The following PSMD12 variants were observed in gnomAD, a reference collection of about 807,000 sequenced individuals.
The protein encoded by PSMD12 is 26S proteasome non-ATPase regulatory subunit 12.
In PSMD12, 8 loss-of-function variants were observed where a neutral mutation model predicts 62.9. The observed-to-expected ratio is 0.13, with a 90% CI of 0.07 to 0.23. The LOEUF is 0.23. Ranked by LOEUF, PSMD12 falls within the 10% of genes least tolerant of loss-of-function variation. The pLI is 1.00. For synonymous variants in PSMD12, 173 were observed against 187.4 expected (o/e 0.92, Z 0.63); for missense variants, 424 against 550.2 (o/e 0.77, Z 2.29).
intron 1 of PSMD12, among the ~76,000 whole-genome samples, chr17:67,364,224 C>T (rs1016082230): frequency 6.8e-6 from 1 of 148,054 alleles, no homozygotes; most frequent in Non-Finnish European, 1.5e-5. Flanking sequence ...TCAGCTGGCA[C>T]ACTGGCTTAA....
chr17:67,340,982 C>A lies in PSMD12; in HGVS notation c.1232G>T (p.Gly411Val). The part of the protein sequence containing the change: ...TIFAKVDRLA[G>V]IINFQRPKDP... ...CTTGGGTCTCTGGAAGTTGATAATT[C>A]CTGCTAATCTGTCTACTTTAGCAAA... The change falls in exon 11 of 11, where the codon GGA becomes GTA. Residue 411 changes from glycine to valine, a missense_variant. By Grantham distance (109) the Gly-to-Val change is moderately radical (BLOSUM62 -3). Transcript: ENST00000356126. The A allele has an allele frequency of 6.4e-7, 1 of 1,569,862 alleles. No homozygotes were observed.
intron 10 of PSMD12, among the ~76,000 whole-genome samples, chr17:67,341,633 C>T (rs2041916390): frequency 6.6e-6 from 1 of 152,110 alleles, no homozygotes; most frequent in East Asian, 1.9e-4. Flanking sequence ...GTATCCATGC[C>T]AACGGCAAGT....
chr17:67,346,641 G>C (rs963546568), intron 7 of PSMD12, among the ~76,000 whole-genome samples: 4 of 152,110 alleles, frequency 2.6e-5, no homozygotes, highest in Non-Finnish European at 5.9e-5. Flanking sequence ...CCTTTTCATA[G>C]TGTCTTTCTA....
Position 67,339,792 on chromosome 17 carries a change from C to T in PSMD12, c.*1051G>A, listed in dbSNP as rs2041894119. ...ATTAAACTTGCAAAATTCGTTCACA[C>T]CAATTCATCTCAGGTGTTTCTTTGA... On this transcript the variant is annotated 3_prime_UTR_variant, in exon 11 of 11. Transcript: ENST00000356126. 1 of 152,006 alleles carries T rather than the reference C, an allele frequency of 6.6e-6. No individual in the cohort carries two copies. The highest frequency in any genetic ancestry group is 1.5e-5 in the Non-Finnish European group (1 of 67,992). 9.4% of individuals were successfully genotyped at this position (152,006 alleles called of 1,614,324 possible). A position where few individuals can be genotyped will look rare whatever the true frequency, so the allele number is the denominator to read the frequency against.
chr17:67,351,500 T>C (rs1233855895), intron 3 of PSMD12, among the ~76,000 whole-genome samples: 2 of 151,404 alleles, frequency 1.3e-5, no homozygotes, highest in Non-Finnish European at 2.9e-5. Context: ...AGCAGAAAAG[T>C]GAATAGAATA....
intron 7 of PSMD12, among the ~76,000 whole-genome samples, 175 bp downstream of exon 7, chr17:67,346,941 T>A (rs2041972618): frequency 6.6e-6 from 1 of 152,188 alleles, no homozygotes; most frequent in African/African-American, 2.4e-5. Flanking sequence ...AAGTGAGACA[T>A]AATCTAAACT....
chr17:67,363,418 C>A (rs1466338570), intron 1 of PSMD12, among the ~76,000 whole-genome samples: 1 of 152,100 alleles, frequency 6.6e-6, no homozygotes, highest in Admixed American at 6.6e-5. Context: ...GTGCTATATA[C>A]ACAATTTTCA....
At chr17:67,351,317 G>A (rs746722209) in intron 3 of PSMD12, among the ~76,000 whole-genome samples, 7 of 151,618 alleles carry the variant, frequency 4.6e-5, no homozygotes, top group African/African-American at 7.3e-5. Flanking sequence ...GTGTGAACCC[G>A]GGAGGCGGAG....
chr17:67,359,911 C>A (rs1443226767), intron 1 of PSMD12, among the ~76,000 whole-genome samples: 1 of 152,162 alleles, frequency 6.6e-6, no homozygotes, highest in Non-Finnish European at 1.5e-5. Flanking sequence ...AATCTTAGAA[C>A]TAGAAAGACG....
intron 3 of PSMD12, among the ~76,000 whole-genome samples, chr17:67,356,914 G>A (rs1254935974): frequency 1.3e-5 from 2 of 152,086 alleles, no homozygotes; most frequent in Non-Finnish European, 1.5e-5. Context: ...GGGGGCTGAG[G>A]TGGGAAGACT....
In PSMD12 at chr17:67,347,198, C is replaced by T; in HGVS notation, c.713G>A (p.Gly238Glu). ...GTGCTTACAAATAGACAAATAGGAT[C>T]CCTCATGTTGATCCAGCTGAATCAT... ...NLMIQLDQHE[G>E]SYLSICKHYR... is the part of the protein sequence containing the mutation. Residue 238 changes from glycine to glutamate, a missense_variant, in exon 7 of 11, where the codon GGA becomes GAA. Gly to Glu is a moderately conservative substitution (Grantham distance 98). Coordinates refer to ENST00000356126, the MANE Select transcript of PSMD12 (RefSeq NM_002816.5). The T allele has an allele frequency of 6.2e-7, 1 of 1,613,590 alleles. No individual in the cohort carries two copies. Among genetic ancestry groups the T allele is most frequent in the Non-Finnish European group, 8.5e-7 (1 of 1,179,670 alleles).
intron 3 of PSMD12, among the ~76,000 whole-genome samples, chr17:67,356,626 A>G (rs1303267221): frequency 6.6e-6 from 1 of 150,624 alleles, no homozygotes; most frequent in Non-Finnish European, 1.5e-5. Context: ...AAAAATTTTG[A>G]AACAGCATAA....
chr17:67,355,091 T>G (rs2042055437), intron 3 of PSMD12, among the ~76,000 whole-genome samples: 2 of 92,422 alleles, frequency 2.2e-5, no homozygotes, highest in South Asian at 6.4e-4. Context: ...TATTTTTGGT[T>G]TTTTTTTTTT....
At chr17:67,355,707 T>C (rs2042062278) in intron 3 of PSMD12, among the ~76,000 whole-genome samples, 1 of 152,052 alleles carries the variant, frequency 6.6e-6, no homozygotes, top group Admixed American at 6.6e-5. Context: ...CAGGGGAACA[T>C]TTAAATATAT....
chr17:67,348,852 T>C (rs1200016690), intron 4 of PSMD12, among the ~76,000 whole-genome samples, 198 bp from the exon 5 acceptor site: 1 of 151,966 alleles, frequency 6.6e-6, no homozygotes, highest in Non-Finnish European at 1.5e-5. Context: ...AAACATTAGC[T>C]GAGTGTGGTG....
intron 5 of PSMD12, among the ~76,000 whole-genome samples, chr17:67,348,157 G>A (rs1243944195): frequency 6.6e-6 from 1 of 152,132 alleles, no homozygotes; most frequent in East Asian, 1.9e-4. Flanking sequence ...GGGATTGCTG[G>A]GTCATATGGT....
At position 67,364,956 on chromosome 17, in the gene PSMD12, GGTGGAT is replaced by G. The variant is rs529482009; in HGVS notation, c.108+1450_108+1455del. Among the ~76,000 whole-genome samples the G allele has an allele frequency of 9.2e-5, 14 of 152,206 alleles. No individual in the cohort carries two copies. In the East Asian group the frequency reaches 2.5e-3, roughly 27 times the overall value. On this transcript the variant is annotated intron_variant, in intron 1 of 10. Coordinates refer to ENST00000356126, the MANE Select transcript of PSMD12 (RefSeq NM_002816.5). The stretch of plus-strand genomic sequence containing the variant: ...CCCAGCACTTTGGCAGGCAGAGGTG[GGTGGAT>G]CACTTTAGGTCAGGAGGTCGCGTGC...
Position 67,340,892 on chromosome 17 carries a change from T to C in PSMD12, c.1322A>G (p.Lys441Arg), listed in dbSNP as rs1366676533. 3 of 1,597,410 alleles carry C rather than the reference T, an allele frequency of 1.9e-6. No homozygotes were observed. Among genetic ancestry groups the C allele is most frequent in the Non-Finnish European group, 2.6e-6 (3 of 1,175,214 alleles). The change falls in exon 11 of 11, where the codon AAA becomes AGA. Residue 441 changes from lysine (K) to arginine (R), a missense_variant. Lys to Arg is a conservative substitution (Grantham distance 26, BLOSUM62 2). Transcript: ENST00000356126. ...KLNSLMSLVN[K>R]TTHLIAKEEM... is the part of the protein sequence containing the mutation. ...CTCTTTGGCTATGAGATGCGTAGTTTTGTTAACCAGAGACATTAATGAGTT... is the reference window on the plus strand; with the variant it reads ...CTCTTTGGCTATGAGATGCGTAGTTCTGTTAACCAGAGACATTAATGAGTT...
intron 4 of PSMD12, 131 bp from the exon 5 acceptor site, chr17:67,348,785 T>A (rs2041992139): frequency 1.4e-6 from 1 of 697,654 alleles, no homozygotes; most frequent in Admixed American, 2.9e-5. Flanking sequence ...ATCGCTTGAG[T>A]CCAGGAGTTT....
Sources: allele counts gnomAD v4.1 joint callset (sites outside exome capture counted in the v4.1 genomes callset), GRCh38; gene constraint gnomAD v4.1.1; transcripts MANE v1.5; gene names NCBI Gene and HGNC (gene_info 2026-07-23, HGNC 2026-07-21).